SEMA6D: variants seen among roughly 807,000 people sequenced by gnomAD.
The protein encoded by SEMA6D is semaphorin 6D.
A neutral mutation model predicts 106.6 loss-of-function variants in SEMA6D; 35 were observed. The observed-to-expected ratio is 0.33, with a 90% confidence interval of 0.25 to 0.44. The LOEUF is 0.44. Ranked by LOEUF, SEMA6D falls within the 20% of genes least tolerant of loss-of-function variation. SEMA6D has a pLI of 1.00. For missense variants in SEMA6D, 1,185 were observed against 1,345.9 expected (o/e 0.88, Z 1.87); for synonymous variants, 499 against 487.7 (o/e 1.02, Z -0.31).
rs568302627 is a variant in SEMA6D, at chr15:47,225,705, T to C, written c.-239+41287T>C. ...CACCAAGCCCGGCTAATTTTGTATT[T>C]TTTTAGTAGAGATGGGGTTTCTCCG... On this transcript the variant is annotated intron_variant, in intron 1 of 19. Transcript: ENST00000558014. Among the ~76,000 whole-genome samples, 6 of 151,892 alleles carry C rather than the reference T, an allele frequency of 4.0e-5. No homozygotes were observed. The East Asian group carries it at 1.2e-3, about 29-fold the overall frequency.
intron 3 of SEMA6D, among the ~76,000 whole-genome samples, chr15:47,508,923 G>A (rs1285611194): frequency 6.6e-6 from 1 of 152,154 alleles, no homozygotes; most frequent in African/African-American, 2.4e-5. Context: ...ATAGAACAGT[G>A]CCTGGCACTA....
intron 1 of SEMA6D, among the ~76,000 whole-genome samples, chr15:47,234,371 G>C (rs1324846990): frequency 6.6e-6 from 1 of 151,834 alleles, no homozygotes; most frequent in African/African-American, 2.4e-5. Context: ...TAGCTTTTGG[G>C]ATACAAATGG....
chr15:47,457,533 A>G (rs1243289282), intron 2 of SEMA6D, among the ~76,000 whole-genome samples: 4 of 151,968 alleles, frequency 2.6e-5, no homozygotes, highest in Non-Finnish European at 5.9e-5. Context: ...AAACTTGTAG[A>G]GATAAAATAT....
intron 3 of SEMA6D, among the ~76,000 whole-genome samples, chr15:47,508,134 G>A (rs1044306188): frequency 1.3e-5 from 2 of 152,134 alleles, no homozygotes; most frequent in Admixed American, 6.5e-5. Flanking sequence ...AAAGGTACCC[G>A]CCTCAGGACC....
intron 1 of SEMA6D, among the ~76,000 whole-genome samples, chr15:47,213,989 G>A (rs17356476): frequency 0.012 from 1,858 of 152,124 alleles, 43 homozygotes; most frequent in Admixed American, 0.012. Flanking sequence ...GTGGAGTTGC[G>A]TCTGGCATGC....
upstream of SEMA6D, among the ~76,000 whole-genome samples, chr15:47,715,047 T>C (rs2079085427): frequency 1.3e-5 from 2 of 152,320 alleles, 1 homozygote; most frequent in South Asian, 4.1e-4. Flanking sequence ...AAAGCACTTA[T>C]GCCCATGGTA....
At chr15:47,633,652 C>A (rs2077330230) in intron 4 of SEMA6D, among the ~76,000 whole-genome samples, 1 of 152,160 alleles carries the variant, frequency 6.6e-6, no homozygotes. Context: ...CTTCTTAAAT[C>A]TGTAAGTTCA....
intron 3 of SEMA6D, among the ~76,000 whole-genome samples, chr15:47,506,792 A>G (rs2044057119): frequency 6.6e-6 from 1 of 152,122 alleles, no homozygotes; most frequent in Non-Finnish European, 1.5e-5. Context: ...AGAGATATTG[A>G]CCACATTCTT....
chr15:47,558,621 A>G (rs528580120), intron 3 of SEMA6D, among the ~76,000 whole-genome samples: 3 of 152,218 alleles, frequency 2.0e-5, no homozygotes, highest in Admixed American at 6.5e-5. Context: ...CATGATTATC[A>G]GTCAGGGAAT....
chr15:47,704,458 C>A (rs1036562850), intron 4 of SEMA6D, among the ~76,000 whole-genome samples: 2 of 152,206 alleles, frequency 1.3e-5, no homozygotes, highest in African/African-American at 2.4e-5. Context: ...GCAGCTCACG[C>A]CTGTAATCCC....
intron 4 of SEMA6D, among the ~76,000 whole-genome samples, chr15:47,681,578 A>G (rs530315444): frequency 2.0e-5 from 3 of 152,340 alleles, no homozygotes; most frequent in African/African-American, 7.2e-5. Flanking sequence ...TAACATGTTA[A>G]GAGGATAGAT....
At chr15:47,407,401 A>G (rs903735320) in intron 1 of SEMA6D, among the ~76,000 whole-genome samples, 1 of 138,418 alleles carries the variant, frequency 7.2e-6, no homozygotes, top group Non-Finnish European at 1.6e-5. Flanking sequence ...AAACAACAAC[A>G]ACAACAACAA....
At chr15:47,532,060 T>C (rs1422935623) in intron 3 of SEMA6D, among the ~76,000 whole-genome samples, 2 of 152,188 alleles carry the variant, frequency 1.3e-5, no homozygotes. Flanking sequence ...TGCCTCTCTT[T>C]TTGGTATCCA....
chr15:47,588,673 C>A (rs1319797900), intron 3 of SEMA6D, among the ~76,000 whole-genome samples: 1 of 152,090 alleles, frequency 6.6e-6, no homozygotes, highest in Admixed American at 6.5e-5. Flanking sequence ...ATTGTGGCTC[C>A]GTCTGTGAAG....
intron 3 of SEMA6D, among the ~76,000 whole-genome samples, chr15:47,475,320 A>G (rs1392158260): frequency 6.6e-6 from 1 of 152,210 alleles, no homozygotes; most frequent in African/African-American, 2.4e-5. Context: ...ATAAAGTATC[A>G]TCCCCATTTT....
chr15:47,694,218 A>T (rs1331074861), intron 4 of SEMA6D, among the ~76,000 whole-genome samples: 2 of 152,170 alleles, frequency 1.3e-5, no homozygotes, highest in Non-Finnish European at 2.9e-5. Context: ...AATGCTGAGA[A>T]ATGCTCACAT....
intron 2 of SEMA6D, among the ~76,000 whole-genome samples, chr15:47,428,471 A>G (rs2041421161): frequency 2.9e-5 from 1 of 34,336 alleles, no homozygotes. Flanking sequence ...TACCCTTAAA[A>G]GTGGGTAAAA....
At chr15:47,634,406 T>G (rs2077344852) in intron 4 of SEMA6D, among the ~76,000 whole-genome samples, 1 of 152,134 alleles carries the variant, frequency 6.6e-6, no homozygotes, top group Non-Finnish European at 1.5e-5. Flanking sequence ...GGAGGAGGGC[T>G]GAGTCACACA....
At chr15:47,297,454 C>G (rs534234370) in intron 1 of SEMA6D, among the ~76,000 whole-genome samples, 4 of 152,082 alleles carry the variant, frequency 2.6e-5, no homozygotes, top group Non-Finnish European at 4.4e-5. Flanking sequence ...TTTCTCCCCC[C>G]ACAAAAATGT....
Sources: gnomAD v4.1 joint callset for allele counts (sites outside exome capture counted in the v4.1 genomes callset) on GRCh38, gnomAD v4.1.1 for gene constraint, MANE v1.5 for transcripts, NCBI Gene and HGNC (gene_info 2026-07-23, HGNC 2026-07-21) for gene names.